Variants in AGR2 observed in about 807,000 individuals in gnomAD.
AGR2 encodes anterior gradient protein 2 homolog.
AGR2 carries 27 observed loss-of-function variants against 25.9 expected under a neutral mutation model. That is an observed-to-expected ratio of 1.04 (90% CI 0.77 to 1.44). The LOEUF (loss-of-function observed/expected upper bound fraction) is 1.44, where lower values mean the gene tolerates loss of function less well. AGR2 is among the 40% of genes most tolerant of loss of function. The pLI is 0.00. For synonymous variants in AGR2, 78 were observed against 72.0 expected, an observed-to-expected ratio of 1.08 and a Z score of -0.42; for missense variants, 182 against 200.9, an observed-to-expected ratio of 0.91 and a Z score of 0.57.
At chr7:16,797,252 A>T (rs758150303) in intron 6 of AGR2, among the ~76,000 whole-genome samples, 10 of 152,164 alleles carry the variant, frequency 6.6e-5, no homozygotes, top group Non-Finnish European at 1.5e-4. Context: ...AAATAATGAT[A>T]AAAAATGTCA....
Position 16,801,640 on chromosome 7 carries a change from C to A in AGR2, c.139+18G>T, listed in dbSNP as rs748263979. 10 of 1,613,658 alleles carry A rather than the reference C, an allele frequency of 6.2e-6. No homozygotes were observed. The East Asian group carries it at 1.6e-4, about 25-fold the overall frequency. ...CAATTAAGTAGCAGTTGGAAGCCAA[C>A]AAGAAGCTGACTCCTACCTCTGGAG... is the stretch of plus-strand genomic sequence containing the variant. On this transcript the variant is annotated intron_variant, in intron 2 of 7. Transcript: ENST00000419304.
chr7:16,801,902 AGGCTCTGCTG>A (rs1487621821), intron 1 of AGR2, 99 bp from the exon 2 acceptor site: 10 of 1,033,398 alleles, frequency 9.7e-6, no homozygotes, highest in African/African-American at 1.7e-5. Context: ...CCAGAAACTG[AGGCTCTGCTG>A]AGACTGGACA....
At chr7:16,803,280 A>C (rs1272268812) in intron 1 of AGR2, 1 of 152,234 alleles carries the variant, frequency 6.6e-6, no homozygotes, top group East Asian at 1.9e-4. Flanking sequence ...TGCTCTAGCA[A>C]GTCACTAAGG....
In AGR2 at chr7:16,801,645, A is replaced by G. The variant is rs1285910106; in HGVS notation, c.139+13T>C. The G allele has an allele frequency of 6.2e-7, 1 of 1,613,892 alleles. No individual in the cohort carries two copies. The highest frequency in any genetic ancestry group is 8.5e-7 in the Non-Finnish European group (1 of 1,179,948). ...AAGTAGCAGTTGGAAGCCAACAAGAAGCTGACTCCTACCTCTGGAGAGGGT... is the reference window on the plus strand; with the variant it reads ...AAGTAGCAGTTGGAAGCCAACAAGAGGCTGACTCCTACCTCTGGAGAGGGT... On this transcript the variant is annotated intron_variant, in intron 2 of 7. Transcript: ENST00000419304.
chr7:16,796,928 T>C (rs1426427916), intron 6 of AGR2, among the ~76,000 whole-genome samples: 2 of 61,130 alleles, frequency 3.3e-5, no homozygotes, highest in African/African-American at 7.3e-5. Flanking sequence ...CTCATATTCC[T>C]TTTTTTTTTT....
chr7:16,799,773 C>A lies in AGR2; in HGVS notation c.301G>T (p.Ala101Ser), dbSNP rs746500663. The change falls in exon 5 of 8, where the codon GCA becomes TCA. Residue 101 changes from alanine to serine, a missense_variant. Ala to Ser is a moderately conservative substitution (Grantham distance 99). Transcript: ENST00000419304. ...AGATTGAGGAGGACAAACTGCTCTG[C>A]CAATTTCTGGATTTCTTTATTTTCA... Reference protein sequence around the residue: ...FAENKEIQKLAEQFVLLNLVY... With the variant: ...FAENKEIQKLSEQFVLLNLVY... The A allele has an allele frequency of 6.2e-7, 1 of 1,613,218 alleles. No individual in the cohort carries two copies. Among genetic ancestry groups the A allele is most frequent in the Non-Finnish European group, 8.5e-7 (1 of 1,179,554 alleles).
At chr7:16,795,756 G>C (rs1016523615) in intron 6 of AGR2, among the ~76,000 whole-genome samples, 3 of 152,186 alleles carry the variant, frequency 2.0e-5, no homozygotes, top group Non-Finnish European at 4.4e-5. Flanking sequence ...AGACGTAATC[G>C]AAAGAACCTA....
chr7:16,796,030 G>A (rs1293839147), intron 6 of AGR2, among the ~76,000 whole-genome samples: 2 of 152,208 alleles, frequency 1.3e-5, no homozygotes, highest in Non-Finnish European at 2.9e-5. Context: ...TACCCAACTA[G>A]CAGCTCACCT....
chr7:16,793,036 C>G (rs757697452), intron 7 of AGR2, 79 bp from the exon 8 acceptor site: 10 of 1,307,438 alleles, frequency 7.6e-6, no homozygotes, highest in Non-Finnish European at 1.1e-5. Context: ...CTTGGATGCT[C>G]AATTCATTAT....
chr7:16,796,186 G>A (rs1785042818), intron 6 of AGR2, among the ~76,000 whole-genome samples: 1 of 152,144 alleles, frequency 6.6e-6, no homozygotes, highest in African/African-American at 2.4e-5. Flanking sequence ...ATGTAGTCAG[G>A]GTGGCTACTA....
intron 6 of AGR2, 119 bp downstream of exon 6, chr7:16,797,512 G>T: frequency 2.7e-6 from 2 of 748,130 alleles, no homozygotes; most frequent in Non-Finnish European, 2.2e-6. Context: ...CATGCTCCTT[G>T]CTAGAGCTTA....
At chr7:16,798,571 G>T (rs989120797) in intron 5 of AGR2, among the ~76,000 whole-genome samples, 22 of 152,190 alleles carry the variant, frequency 1.4e-4, no homozygotes, top group African/African-American at 4.8e-4. Flanking sequence ...TGTGACCCCA[G>T]TTTGGTCTGT....
intron 5 of AGR2, 44 bp from the exon 6 acceptor site, chr7:16,797,738 C>T: frequency 2.6e-6 from 4 of 1,550,150 alleles, no homozygotes; most frequent in Non-Finnish European, 3.5e-6. Context: ...TTTGACTTTT[C>T]AGTCGTTTTC....
At chr7:16,800,312 A>C (rs1219277540) in intron 4 of AGR2, among the ~76,000 whole-genome samples, 1 of 152,214 alleles carries the variant, frequency 6.6e-6, no homozygotes, top group East Asian at 1.9e-4. Flanking sequence ...GGAGTGGTCC[A>C]TTTTGGGGTA....
chr7:16,801,236 G>C (rs1188194486), intron 3 of AGR2, 33 bp from the exon 4 acceptor site: 1 of 1,610,554 alleles, frequency 6.2e-7, no homozygotes, highest in Admixed American at 1.7e-5. Flanking sequence ...AAATTTTAAT[G>C]AGTAAGATTT....
Position 16,802,043 on chromosome 7 carries a change from A to G in AGR2, c.-7-240T>C, listed in dbSNP as rs191771305. On this transcript the variant is annotated intron_variant, in intron 1 of 7. Coordinates refer to ENST00000419304, the MANE Select transcript of AGR2 (RefSeq NM_006408.4). The stretch of plus-strand genomic sequence containing the variant: ...TGTAAACTGAAAATATTGCAAGTCA[A>G]AATGCATCCAGAGTAGTCTCTCCTT... 3.3e-3 allele frequency among the ~76,000 whole-genome samples: 505 copies of G among 151,922 alleles called. 3 individuals are homozygous for G. The highest frequency in any genetic ancestry group is 0.012 in the African/African-American group (478 of 41,388).
At chr7:16,798,449 T>A (rs1785086591) in intron 5 of AGR2, among the ~76,000 whole-genome samples, 1 of 152,132 alleles carries the variant, frequency 6.6e-6, no homozygotes, top group Non-Finnish European at 1.5e-5. Flanking sequence ...CGAAAGAAGG[T>A]GCTAGAGCTG....
At chr7:16,803,379 C>T (rs1436852219) in intron 1 of AGR2, among the ~76,000 whole-genome samples, 1 of 152,080 alleles carries the variant, frequency 6.6e-6, no homozygotes, top group Non-Finnish European at 1.5e-5. Flanking sequence ...AATATGAAAC[C>T]CCGGCACCTA....
chr7:16,795,799 CAT>C (rs1431126475), intron 6 of AGR2, among the ~76,000 whole-genome samples: 5 of 152,170 alleles, frequency 3.3e-5, no homozygotes, highest in Non-Finnish European at 5.9e-5. Flanking sequence ...ACAAGGAAGA[CAT>C]GTGAGAACCA....
Sources: allele counts gnomAD v4.1 joint callset (sites outside exome capture counted in the v4.1 genomes callset), GRCh38; gene constraint gnomAD v4.1.1; transcripts MANE v1.5; gene names NCBI Gene and HGNC (gene_info 2026-07-23, HGNC 2026-07-21).